PRELID2: variants seen among roughly 807,000 people sequenced by gnomAD.
The protein encoded by PRELID2 is PRELI domain containing 2, also known as PRELI domain-containing protein 2.
PRELID2 carries 25 observed loss-of-function variants against 28.4 expected under a neutral mutation model. The ratio of observed to expected loss-of-function variants is 0.88; its 90% CI spans 0.64 to 1.23. The LOEUF (loss-of-function observed/expected upper bound fraction) is 1.23, where lower values mean the gene tolerates loss of function less well. PRELID2 is among the 50% of genes most tolerant of loss of function. The pLI is 0.00. For synonymous variants in PRELID2, 76 were observed against 71.6 expected (o/e 1.06, Z -0.31); for missense variants, 201 against 214.4 (o/e 0.94, Z 0.39).
the PRELID2 span, among the ~76,000 whole-genome samples, chr5:145,300,149 T>G: frequency 1.3e-5 from 2 of 152,174 alleles, no homozygotes; most frequent in Non-Finnish European, 2.9e-5. Flanking sequence ...ATGCCATCTT[T>G]GACCAGTTCT....
the PRELID2 span, among the ~76,000 whole-genome samples, chr5:145,368,537 C>A: frequency 4.6e-5 from 7 of 151,962 alleles, no homozygotes; most frequent in South Asian, 2.1e-4. Flanking sequence ...TTCTCCTCTC[C>A]CTAATATATA....
intron 1 of PRELID2, among the ~76,000 whole-genome samples, chr5:145,493,659 T>A (rs1361875558): frequency 6.6e-6 from 1 of 152,178 alleles, no homozygotes; most frequent in African/African-American, 2.4e-5. Flanking sequence ...CTACTCTACC[T>A]GCTCTCGCTA....
In PRELID2 at chr5:145,831,024, T is replaced by C. The variant is rs192394497; in HGVS notation, c.75+4153A>G. Among the ~76,000 whole-genome samples the C allele has an allele frequency of 1.2e-4, 18 of 152,250 alleles. No individual in the cohort carries two copies. In the East Asian group the frequency reaches 3.3e-3, roughly 28 times the overall value. ...ATGCTTCCCAGTGATCCTCATATGATTGTCGCTTCTGCCAAGTGCTTTCCT... is the reference window on the plus strand; with the variant it reads ...ATGCTTCCCAGTGATCCTCATATGACTGTCGCTTCTGCCAAGTGCTTTCCT... On this transcript the variant is annotated intron_variant, in intron 1 of 6. Transcript: ENST00000683046.
chr5:145,510,761 C>T (rs766320038), intron 1 of PRELID2, among the ~76,000 whole-genome samples: 4 of 152,198 alleles, frequency 2.6e-5, no homozygotes, highest in Non-Finnish European at 5.9e-5. Context: ...CTGGGAAAAG[C>T]CTCACAAATT....
At chr5:145,404,994 G>T in the PRELID2 span, among the ~76,000 whole-genome samples, 1 of 151,934 alleles carries the variant, frequency 6.6e-6, no homozygotes, top group African/African-American at 2.4e-5. Context: ...TATTTTCATG[G>T]TTTTAAACAC....
intron 1 of PRELID2, among the ~76,000 whole-genome samples, chr5:145,716,512 C>T (rs561710228): frequency 1.3e-5 from 2 of 152,182 alleles, no homozygotes; most frequent in African/African-American, 4.8e-5. Context: ...TTCTTTTTAA[C>T]TTTTTACTGT....
At chr5:145,410,291 A>T in the PRELID2 span, among the ~76,000 whole-genome samples, 2 of 152,242 alleles carry the variant, frequency 1.3e-5, no homozygotes, top group African/African-American at 2.4e-5. Flanking sequence ...CAAATGCAAC[A>T]AAAACAAAAA....
intron 4 of PRELID2, among the ~76,000 whole-genome samples, chr5:145,817,206 A>ATATATATACAT (rs1423577359): frequency 1.6e-5 from 1 of 62,860 alleles, no homozygotes; most frequent in African/African-American, 4.1e-5. Flanking sequence ...AAAATAAATA[A>ATATATATACAT]ATAAATAAAA....
intron 1 of PRELID2, among the ~76,000 whole-genome samples, chr5:145,580,240 G>A (rs886982486): frequency 2.0e-5 from 3 of 151,984 alleles, no homozygotes; most frequent in Non-Finnish European, 2.9e-5. Context: ...AAGCAATCAG[G>A]GAACAAGAAA....
intron 1 of PRELID2, among the ~76,000 whole-genome samples, chr5:145,624,973 T>C (rs558329033): frequency 6.6e-6 from 1 of 152,256 alleles, no homozygotes; most frequent in East Asian, 1.9e-4. Flanking sequence ...CCCATAATCA[T>C]AAGACAACAA....
intron 1 of PRELID2, among the ~76,000 whole-genome samples, chr5:145,621,823 T>A (rs6881485): frequency 1.3e-5 from 2 of 152,006 alleles, no homozygotes; most frequent in Non-Finnish European, 2.9e-5. Context: ...ATATTTTCAA[T>A]AAGCTAGAAG....
At chr5:145,510,899 AG>A (rs1036611975) in intron 1 of PRELID2, among the ~76,000 whole-genome samples, 22 of 152,190 alleles carry the variant, frequency 1.4e-4, no homozygotes, top group Admixed American at 6.5e-4. Flanking sequence ...CTCAGCCTTT[AG>A]GTGCCCAGTT....
the PRELID2 span, among the ~76,000 whole-genome samples, chr5:145,310,322 T>C: frequency 6.6e-6 from 1 of 152,224 alleles, no homozygotes; most frequent in South Asian, 2.1e-4. Context: ...GACATTTCGA[T>C]TTTTCCTTAC....
At chr5:145,418,307 T>C in the PRELID2 span, among the ~76,000 whole-genome samples, 2 of 152,142 alleles carry the variant, frequency 1.3e-5, no homozygotes, top group African/African-American at 2.4e-5. Context: ...AAAATGGCCA[T>C]CCAGTACAAA....
intron 1 of PRELID2, among the ~76,000 whole-genome samples, chr5:145,718,860 T>A (rs372986709): frequency 6.6e-6 from 1 of 152,136 alleles, no homozygotes; most frequent in African/African-American, 2.4e-5. Context: ...AAAGGGCCAC[T>A]CTTGATAAGT....
At chr5:145,265,544 C>T in the PRELID2 span, among the ~76,000 whole-genome samples, 9 of 152,100 alleles carry the variant, frequency 5.9e-5, no homozygotes, top group Admixed American at 6.6e-5. Context: ...AAACTGGAGA[C>T]ATCACATTAC....
At chr5:145,358,491 A>G in the PRELID2 span, among the ~76,000 whole-genome samples, 2 of 152,210 alleles carry the variant, frequency 1.3e-5, no homozygotes, top group East Asian at 3.9e-4. Flanking sequence ...TCACACAGAA[A>G]TGAGACTGCT....
At chr5:145,279,268 A>G in the PRELID2 span, among the ~76,000 whole-genome samples, 3 of 152,206 alleles carry the variant, frequency 2.0e-5, no homozygotes, top group Non-Finnish European at 4.4e-5. Flanking sequence ...AGTATCTACC[A>G]GACATCATTG....
In PRELID2 at chr5:145,823,144, A is replaced by C; in HGVS notation, c.76-10T>G. On this transcript the variant is annotated splice_polypyrimidine_tract_variant and intron_variant, in intron 1 of 6. Coordinates refer to ENST00000683046, the MANE Select transcript of PRELID2 (RefSeq NM_205846.3). ...CCATGGGGTTGGGGTACTAAACAAA[A>C]ATATATAAAAAAGAATTACCATTAA... is the stretch of plus-strand genomic sequence containing the variant. The C allele has an allele frequency of 7.5e-7, 1 of 1,334,004 alleles. No individual in the cohort carries two copies. The highest frequency in any genetic ancestry group is 2.3e-5 in the East Asian group (1 of 43,490). The allele number at this position is 1,334,004 out of a possible 1,614,324, so 82.6% of individuals were successfully genotyped here. A position where few individuals can be genotyped will look rare whatever the true frequency, so the allele number is the denominator to read the frequency against.
Sources: gnomAD v4.1 joint callset for allele counts (sites outside exome capture counted in the v4.1 genomes callset) on GRCh38, gnomAD v4.1.1 for gene constraint, MANE v1.5 for transcripts, NCBI Gene and HGNC (gene_info 2026-07-23, HGNC 2026-07-21) for gene names.